APOD: variants seen among roughly 807,000 people sequenced by gnomAD.
The protein encoded by APOD is apolipoprotein D.
In APOD, 22 loss-of-function variants were observed where a neutral mutation model predicts 20.4. The observed-to-expected ratio is 1.08, with a 90% CI of 0.77 to 1.54. APOD has a LOEUF of 1.54. Among genes scored for constraint, APOD ranks in the 40% most tolerant of loss-of-function variants. APOD has a pLI of 0.00. For synonymous variants in APOD, 97 were observed against 92.4 expected (o/e 1.05, Z -0.29); for missense variants, 223 against 229.6 (o/e 0.97, Z 0.19).
chr3:195,580,982 T>C (rs1452289406), intron 1 of APOD, among the ~76,000 whole-genome samples: 1 of 152,236 alleles, frequency 6.6e-6, no homozygotes, highest in Admixed American at 6.5e-5. Flanking sequence ...TCCAGCTCTC[T>C]GCATTTCTCC....
Position 195,576,817 on chromosome 3 carries a change from C to A in APOD, c.123+2522G>T, listed in dbSNP as rs191799460. On this transcript the variant is annotated intron_variant, in intron 2 of 4. Transcript: ENST00000343267. ...AGAGCAAGACTCTGTCACACACACA[C>A]AAAAATATATACATATATAAACATA... 9.6e-4 allele frequency among the ~76,000 whole-genome samples: 145 copies of A among 150,874 alleles called. 2 individuals carry two copies. Among genetic ancestry groups the A allele is most frequent in the Admixed American group, 2.6e-3 (40 of 15,150 alleles).
rs112484595 is a variant in APOD, at chr3:195,571,276, C to T, written c.334+1G>A. On this transcript the variant is annotated splice_donor_variant, in intron 4 of 4. Transcript: ENST00000343267. LOFTEE classifies it high-confidence loss of function. ...TCCTCCTGGGAAAAGTGGATACTTA[C>T]ACCAGGAAAACTTAACTTCCAGCTT... 3 of 1,613,618 alleles carry T rather than the reference C, an allele frequency of 1.9e-6. No homozygotes were observed. The highest frequency in any genetic ancestry group is 1.1e-5 in the South Asian group (1 of 91,082).
At chr3:195,580,333 GT>G (rs1484005739) in intron 1 of APOD, among the ~76,000 whole-genome samples, 19 of 148,394 alleles carry the variant, frequency 1.3e-4, no homozygotes, top group Non-Finnish European at 4.5e-5. Flanking sequence ...TATTTCCCAG[GT>G]TTCTTCTTTC....
At chr3:195,582,697 A>G (rs34754842) in intron 1 of APOD, 35,025 of 152,160 alleles carry the variant, frequency 0.23, 4,249 homozygotes, top group Non-Finnish European at 0.27. Flanking sequence ...AGCCAAGATC[A>G]CACCATTGCA....
chr3:195,568,839 G>GTGA lies in APOD; in HGVS notation c.*60_*61insTCA. The GTGA allele has an allele frequency of 8.0e-7, 1 of 1,242,906 alleles. No homozygotes were observed. The allele number at this position is 1,242,906 out of a possible 1,614,324, so 77.0% of individuals were successfully genotyped here. ...TGATTGGTTTGTCTTTATGGGGGGG[G>GTGA]GGTAGGGGAAAGCGAAGCAGAAGTA... On this transcript the variant is annotated 3_prime_UTR_variant, in exon 5 of 5. Transcript: ENST00000343267.
At chr3:195,571,017 C>G in intron 4 of APOD, 1 of 515,390 alleles carries the variant, frequency 1.9e-6, no homozygotes, top group Non-Finnish European at 3.5e-6. Context: ...TGTTGAAACG[C>G]TAGCTAGTTA....
At chr3:195,575,055 C>CA (rs1336085135) in intron 2 of APOD, among the ~76,000 whole-genome samples, 1 of 152,222 alleles carries the variant, frequency 6.6e-6, no homozygotes, top group African/African-American at 2.4e-5. Context: ...GGGCTGAACT[C>CA]AAAGTGTTGG....
intron 3 of APOD, 51 bp downstream of exon 3, chr3:195,573,799 C>T: frequency 6.3e-7 from 1 of 1,598,770 alleles, no homozygotes; most frequent in Middle Eastern, 1.8e-4. Context: ...CACCCAGTCA[C>T]TCTGCATCAG....
chr3:195,568,837 G>GGGCGT lies in APOD; in HGVS notation c.*62_*63insACGCC. 1 of 975,810 alleles carries GGGCGT rather than the reference G, an allele frequency of 1.0e-6. No homozygotes were observed. The highest frequency in any genetic ancestry group is 1.6e-6 in the Non-Finnish European group (1 of 644,252). 60.4% of individuals were successfully genotyped at this position (975,810 alleles called of 1,614,324 possible). On this transcript the variant is annotated 3_prime_UTR_variant, in exon 5 of 5. Transcript: ENST00000343267. ...GTTGATTGGTTTGTCTTTATGGGGG[G>GGGCGT]GGGGTAGGGGAAAGCGAAGCAGAAG...
chr3:195,573,820 G>C, intron 3 of APOD, 30 bp downstream of exon 3: 1 of 1,611,288 alleles, frequency 6.2e-7, no homozygotes, highest in Non-Finnish European at 8.5e-7. Context: ...CACTCCGCAG[G>C]CCTGGCCCCG....
At position 195,568,923 on chromosome 3, in the gene APOD, C is replaced by T. The variant is rs773348727; in HGVS notation, c.547G>A (p.Val183Met). The change falls in exon 5 of 5, where the codon GTG (valine) becomes ATG (methionine). Residue 183 changes from valine to methionine, a missense_variant. Physicochemically the swap from Val to Met is conservative, Grantham distance 21. Coordinates refer to ENST00000343267, the MANE Select transcript of APOD (RefSeq NM_001647.4). The stretch of plus-strand genomic sequence containing the variant: ...GGTTACGAGAGCTTGGGGCAGTTCA[C>T]CTGGTCTGTGACCGTCATTTTCTTG... ...DVKKMTVTDQ[V>M]NCPKLS The T allele has an allele frequency of 4.3e-6, 7 of 1,613,862 alleles. No homozygotes were observed. In the East Asian group the frequency reaches 8.9e-5, roughly 21 times the overall value.
chr3:195,583,323 C>T (rs1380431928), intron 1 of APOD: 3 of 152,134 alleles, frequency 2.0e-5, no homozygotes, highest in Non-Finnish European at 2.9e-5. Context: ...ATCTGCAGAA[C>T]GTGAAGGACT....
At chr3:195,579,620 A>G (rs1036515050) in intron 1 of APOD, 125 bp from the exon 2 acceptor site, 1 of 1,024,094 alleles carries the variant, frequency 9.8e-7, no homozygotes, top group African/African-American at 1.6e-5. Context: ...TCCCCAGCCC[A>G]TGTGAACCCT....
chr3:195,579,311 C>T, intron 2 of APOD, 28 bp downstream of exon 2: 1 of 1,613,454 alleles, frequency 6.2e-7, no homozygotes, highest in Non-Finnish European at 8.5e-7. Flanking sequence ...GCGGAGGCAG[C>T]AAAACAAACG....
rs1553889309 is a variant in APOD, at chr3:195,568,837, G to GTGGGGT, written c.*62_*63insACCCCA. ...GTTGATTGGTTTGTCTTTATGGGGG[G>GTGGGGT]GGGGTAGGGGAAAGCGAAGCAGAAG... On this transcript the variant is annotated 3_prime_UTR_variant, in exon 5 of 5. Coordinates refer to ENST00000343267, the MANE Select transcript of APOD (RefSeq NM_001647.4). 1 of 958,524 alleles carries GTGGGGT rather than the reference G, an allele frequency of 1.0e-6. No homozygotes were observed. Among genetic ancestry groups the GTGGGGT allele is most frequent in the African/African-American group, 1.9e-5 (1 of 51,598 alleles). The allele number at this position is 958,524 out of a possible 1,614,324, so 59.4% of individuals were successfully genotyped here.
intron 3 of APOD, among the ~76,000 whole-genome samples, chr3:195,571,616 T>C (rs910791305): frequency 1.3e-5 from 2 of 152,078 alleles, no homozygotes; most frequent in Non-Finnish European, 2.9e-5. Context: ...GAAGCCGCAA[T>C]TGACAAGCTC....
chr3:195,574,727 AC>A (rs1720221976), intron 2 of APOD, among the ~76,000 whole-genome samples: 1 of 152,206 alleles, frequency 6.6e-6, no homozygotes, highest in Non-Finnish European at 1.5e-5. Flanking sequence ...TCATTACAGT[AC>A]CGTTTGTAAT....
chr3:195,579,866 G>A (rs1238486318), intron 1 of APOD, among the ~76,000 whole-genome samples: 12 of 152,166 alleles, frequency 7.9e-5, no homozygotes, highest in African/African-American at 2.2e-4. Context: ...CAGAAACAGC[G>A]TGGAGAGGGC....
Position 195,568,757 on chromosome 3 carries a change from G to A in APOD, c.*143C>T, listed in dbSNP as rs1164206168. The A allele has an allele frequency of 1.5e-6, 1 of 648,608 alleles. No individual in the cohort carries two copies. The highest frequency in any genetic ancestry group is 2.7e-6 in the Non-Finnish European group (1 of 364,032). 40.2% of individuals were successfully genotyped at this position (648,608 alleles called of 1,614,324 possible). Reference sequence around the variant, plus strand: ...CAGCAACAAGTTTATTTTGCAGCTAGCAAGGTAACAGGGTAGGGCATGGTT... The same window carrying A: ...CAGCAACAAGTTTATTTTGCAGCTAACAAGGTAACAGGGTAGGGCATGGTT... On this transcript the variant is annotated 3_prime_UTR_variant, in exon 5 of 5. Transcript: ENST00000343267.
Sources: allele counts gnomAD v4.1 joint callset (sites outside exome capture counted in the v4.1 genomes callset), GRCh38; gene constraint gnomAD v4.1.1; transcripts MANE v1.5; gene names NCBI Gene and HGNC (gene_info 2026-07-23, HGNC 2026-07-21).